B4GALNT2: variants seen among roughly 807,000 people sequenced by gnomAD.
B4GALNT2 encodes the protein beta-1,4-N-acetyl-galactosaminyltransferase 2 (SID blood group).
Under a neutral mutation model 51.1 loss-of-function variants are expected in B4GALNT2, and 42 were observed. The ratio of observed to expected loss-of-function variants is 0.82; its 90% confidence interval spans 0.64 to 1.06. B4GALNT2 has a LOEUF of 1.06. B4GALNT2 is among the 50% of genes least tolerant of loss of function. The probability of loss-of-function intolerance (pLI) is 0.00; values close to 1 mark genes in which losing one functional copy is unlikely to be tolerated. For missense variants in B4GALNT2, 602 were observed against 633.6 expected (o/e 0.95, Z 0.54); for synonymous variants, 253 against 251.7 (o/e 1.01, Z -0.05).
At chr17:49,135,993 G>T (rs1165007945) in intron 1 of B4GALNT2, among the ~76,000 whole-genome samples, 1 of 151,520 alleles carries the variant, frequency 6.6e-6, no homozygotes, top group Non-Finnish European at 1.5e-5. Context: ...TGAGGCAGGA[G>T]AATGGCGTGA....
upstream of B4GALNT2, chr17:49,132,625 G>A (rs2042549495): frequency 2.9e-6 from 2 of 680,322 alleles, no homozygotes; most frequent in East Asian, 6.9e-5. Flanking sequence ...TAGAGATGGG[G>A]GCGCTGGTGT....
chr17:49,175,514 G>A lies in B4GALNT2; in HGVS notation c.*5786G>A, dbSNP rs758550493. ...CTAGAAGTAATCCTATCATCCCCCC[G>A]GCAAGCATCCACAGACCCCTATTGG... On this transcript the variant is annotated 3_prime_UTR_variant, in exon 11 of 11. Coordinates refer to ENST00000393354, the MANE Select transcript of B4GALNT2 (RefSeq NM_001159387.2). The A allele has an allele frequency of 4.6e-5, 7 of 152,020 alleles. No homozygotes were observed. Among genetic ancestry groups the A allele is most frequent in the South Asian group, 2.1e-4 (1 of 4,826 alleles). The allele number at this position is 152,020 out of a possible 1,614,324, so 9.4% of individuals were successfully genotyped here.
chr17:49,156,512 G>C (rs2042811929), intron 4 of B4GALNT2, 54 bp from the exon 5 acceptor site: 3 of 1,592,006 alleles, frequency 1.9e-6, no homozygotes, highest in Middle Eastern at 1.7e-4. Flanking sequence ...GAGCAGCGGG[G>C]AGCTGCGATG....
At chr17:49,128,706 G>T (rs2042522876), upstream of B4GALNT2, among the ~76,000 whole-genome samples, 1 of 152,126 alleles carries the variant, frequency 6.6e-6, no homozygotes, top group African/African-American at 2.4e-5. Context: ...ATTTTAACTT[G>T]CCATTATTTA....
the B4GALNT2 span, among the ~76,000 whole-genome samples, chr17:49,126,547 A>G: frequency 6.6e-6 from 1 of 150,586 alleles, no homozygotes; most frequent in African/African-American, 2.4e-5. Context: ...ACCTAGCTTC[A>G]GTGAAGGCCA....
intron 8 of B4GALNT2, 102 bp from the exon 9 acceptor site, chr17:49,166,012 C>T: frequency 7.5e-7 from 1 of 1,325,176 alleles, no homozygotes; most frequent in African/African-American, 1.5e-5. Flanking sequence ...TGGAATTTGT[C>T]TGGAGTGCAT....
chr17:49,145,269 A>G (rs1487804289), intron 3 of B4GALNT2, among the ~76,000 whole-genome samples: 4 of 152,226 alleles, frequency 2.6e-5, no homozygotes, highest in Non-Finnish European at 2.9e-5. Context: ...TATGCCTAAC[A>G]TAATACAACT....
At chr17:49,133,987 G>A (rs1226350454) in intron 1 of B4GALNT2, among the ~76,000 whole-genome samples, 1 of 152,192 alleles carries the variant, frequency 6.6e-6, no homozygotes, top group Non-Finnish European at 1.5e-5. Context: ...AGGATTGGCG[G>A]AATGGGGGAA....
At chr17:49,148,537 G>A in intron 3 of B4GALNT2, 1 of 376,632 alleles carries the variant, frequency 2.7e-6, no homozygotes, top group Non-Finnish European at 5.2e-6. Context: ...AAGGTGGCAA[G>A]CACAATCTCT....
At chr17:49,165,610 C>T (rs530958418) in intron 8 of B4GALNT2, among the ~76,000 whole-genome samples, 2 of 140,696 alleles carry the variant, frequency 1.4e-5, no homozygotes, top group African/African-American at 5.3e-5. Flanking sequence ...CTTTCTCTCT[C>T]CCTCTCTTCT....
intron 3 of B4GALNT2, among the ~76,000 whole-genome samples, chr17:49,145,309 C>T (rs773196621): frequency 5.3e-5 from 8 of 152,142 alleles, no homozygotes; most frequent in Non-Finnish European, 1.0e-4. Flanking sequence ...ACGCACCAAT[C>T]CCCAACCCAA....
Position 49,168,891 on chromosome 17 carries a change from G to A in B4GALNT2, c.1306G>A (p.Ala436Thr). 1 of 1,612,166 alleles carries A rather than the reference G, an allele frequency of 6.2e-7. No individual in the cohort carries two copies. The highest frequency in any genetic ancestry group is 1.1e-5 in the South Asian group (1 of 90,894). The part of the protein sequence containing the change: ...VGFDPRLQRV[A>T]HSEFFIDGLG... ...CTTTGATCCCCGCCTGCAACGAGTG[G>A]CTCACTCAGGTGGGAAGGCTGAAAG... Residue 436 changes from alanine to threonine, a missense_variant, in exon 10 of 11, where the codon GCT (alanine) becomes ACT (threonine). Coordinates refer to ENST00000393354, the MANE Select transcript of B4GALNT2 (RefSeq NM_001159387.2).
chr17:49,137,897 G>C (rs2144273449), intron 1 of B4GALNT2, among the ~76,000 whole-genome samples: 1 of 152,278 alleles, frequency 6.6e-6, no homozygotes, highest in East Asian at 1.9e-4. Context: ...GATGTTAAAT[G>C]ATCACTGTGA....
In B4GALNT2 at chr17:49,171,301, A is replaced by T. The variant is rs1370883382; in HGVS notation, c.*1573A>T. 2.9e-6 allele frequency: 1 copy of T among 349,696 alleles called. No homozygotes were observed. Among genetic ancestry groups the T allele is most frequent in the Non-Finnish European group, 5.4e-6 (1 of 186,044 alleles). 21.7% of individuals were successfully genotyped at this position (349,696 alleles called of 1,614,324 possible). On this transcript the variant is annotated 3_prime_UTR_variant, in exon 11 of 11. Transcript: ENST00000393354. ...AGCACAATCATCATTGAAATCACAG[A>T]GCTTCCAAGTGTCTTTATCCACTTT...
chr17:49,139,468 C>A lies in B4GALNT2; in HGVS notation c.15-1779C>A, dbSNP rs193169392. 1.7e-3 allele frequency among the ~76,000 whole-genome samples: 261 copies of A among 152,270 alleles called. 1 individual carries two copies. The highest frequency in any genetic ancestry group is 6.1e-3 in the African/African-American group (252 of 41,550). ...CTCAAACTCCTGAGCTCAAGCGATCCGCCTGCCTCGGCCCCCCAAAGTGCT... is the reference window on the plus strand; with the variant it reads ...CTCAAACTCCTGAGCTCAAGCGATCAGCCTGCCTCGGCCCCCCAAAGTGCT... On this transcript the variant is annotated intron_variant, in intron 1 of 10. Coordinates refer to ENST00000393354, the MANE Select transcript of B4GALNT2 (RefSeq NM_001159387.2).
chr17:49,162,484 G>T (rs2042873981), intron 7 of B4GALNT2, among the ~76,000 whole-genome samples: 1 of 152,164 alleles, frequency 6.6e-6, no homozygotes, highest in Admixed American at 6.5e-5. Context: ...GAGGCAATTT[G>T]GCAGTTCCTA....
chr17:49,142,789 G>A lies in B4GALNT2; in HGVS notation c.353+617G>A, dbSNP rs145656587. On this transcript the variant is annotated intron_variant, in intron 3 of 10. Transcript: ENST00000393354. Reference sequence around the variant, plus strand: ...GGTGGTACATCCTCCATGCACCCAGGCCATCATAGCAGGTGATTTTGTAGT... The same window carrying A: ...GGTGGTACATCCTCCATGCACCCAGACCATCATAGCAGGTGATTTTGTAGT... Among the ~76,000 whole-genome samples the A allele has an allele frequency of 2.1e-4, 32 of 152,244 alleles. 1 individual carries two copies. The highest frequency in any genetic ancestry group is 3.4e-3 in the Middle Eastern group (1 of 294).
At chr17:49,150,246 TGG>T (rs1230227624) in intron 3 of B4GALNT2, among the ~76,000 whole-genome samples, 1 of 96,116 alleles carries the variant, frequency 1.0e-5, no homozygotes, top group Non-Finnish European at 2.0e-5. Context: ...GGGAGGGAGG[TGG>T]GGGGGTCAGC....
intron 8 of B4GALNT2, among the ~76,000 whole-genome samples, chr17:49,164,522 G>A (rs1202477836): frequency 2.5e-5 from 3 of 120,410 alleles, no homozygotes; most frequent in Non-Finnish European, 5.0e-5. Context: ...TTTTTTTTGA[G>A]ATGGAGTCTT....
Sources: gnomAD v4.1 joint callset for allele counts (sites outside exome capture counted in the v4.1 genomes callset) on GRCh38, gnomAD v4.1.1 for gene constraint, MANE v1.5 for transcripts, NCBI Gene and HGNC (gene_info 2026-07-23, HGNC 2026-07-21) for gene names.